Variants in TENM3 observed in about 807,000 individuals in gnomAD.
The protein encoded by TENM3 is teneurin transmembrane protein 3.
TENM3 carries 63 observed loss-of-function variants against 255.1 expected under a neutral mutation model. That is an observed-to-expected ratio of 0.25 (90% CI 0.20 to 0.30). TENM3 has a LOEUF of 0.30. Among genes scored for constraint, TENM3 ranks in the 10% least tolerant of loss-of-function variants. The pLI is 1.00. For synonymous variants in TENM3, 1,306 were observed against 1,322.3 expected, an observed-to-expected ratio of 0.99 and a Z score of 0.27; for missense variants, 2,929 against 3,461.1, an observed-to-expected ratio of 0.85 and a Z score of 3.86.
intron 2 of TENM3, among the ~76,000 whole-genome samples, chr4:182,339,597 T>G (rs1764353902): frequency 6.6e-6 from 1 of 152,190 alleles, no homozygotes; most frequent in East Asian, 1.9e-4. Flanking sequence ...CCTTTCCCCC[T>G]GCCTCGGCCT....
the TENM3 span, among the ~76,000 whole-genome samples, chr4:181,969,337 A>G: frequency 5.3e-5 from 8 of 152,204 alleles, no homozygotes; most frequent in Admixed American, 5.2e-4. Context: ...AGCCAGCTGG[A>G]AAATTCTGAT....
chr4:181,999,375 G>A, the TENM3 span, among the ~76,000 whole-genome samples: 2 of 152,094 alleles, frequency 1.3e-5, no homozygotes, highest in Non-Finnish European at 2.9e-5. Context: ...TTCTGAGACT[G>A]GCCTAAGGTA....
the TENM3 span, among the ~76,000 whole-genome samples, chr4:181,452,853 G>T: frequency 6.6e-6 from 1 of 152,190 alleles, no homozygotes; most frequent in East Asian, 1.9e-4. Context: ...TTGGTTTGGT[G>T]GCAGGATTTC....
chr4:182,641,987 A>G (rs1185803046), intron 5 of TENM3, among the ~76,000 whole-genome samples: 1 of 152,238 alleles, frequency 6.6e-6, no homozygotes, highest in Admixed American at 6.5e-5. Flanking sequence ...TTTCACAATA[A>G]CAACAAATTC....
At chr4:182,289,887 A>G (rs947326977) in intron 1 of TENM3, among the ~76,000 whole-genome samples, 5 of 152,048 alleles carry the variant, frequency 3.3e-5, no homozygotes, top group African/African-American at 1.2e-4. Flanking sequence ...GCTCCACCCT[A>G]GAGATGACGC....
At chr4:181,740,677 A>C in the TENM3 span, among the ~76,000 whole-genome samples, 2 of 149,934 alleles carry the variant, frequency 1.3e-5, no homozygotes, top group Non-Finnish European at 1.5e-5. Flanking sequence ...ATTCCAAAAA[A>C]TCAGCACTGG....
At chr4:182,241,684 A>G (rs1757272019), upstream of TENM3, among the ~76,000 whole-genome samples, 1 of 148,504 alleles carries the variant, frequency 6.7e-6, no homozygotes, top group East Asian at 2.0e-4. Flanking sequence ...TAATTTTTGT[A>G]TTTTTAGTAG....
the TENM3 span, among the ~76,000 whole-genome samples, chr4:181,937,116 G>C: frequency 6.6e-6 from 1 of 152,180 alleles, no homozygotes; most frequent in African/African-American, 2.4e-5. Context: ...GCAGGTATGG[G>C]AGCATTCTAA....
At chr4:182,449,488 T>C (rs576804054) in intron 3 of TENM3, among the ~76,000 whole-genome samples, 19 of 151,970 alleles carry the variant, frequency 1.3e-4, no homozygotes, top group Non-Finnish European at 2.6e-4. Context: ...ATGAGTAGTG[T>C]ACTGTCCTAA....
At chr4:182,079,128 G>A in the TENM3 span, among the ~76,000 whole-genome samples, 7 of 152,170 alleles carry the variant, frequency 4.6e-5, no homozygotes, top group African/African-American at 1.7e-4. Context: ...AATTGCTGGT[G>A]GACTTTGTGT....
At chr4:181,468,098 C>A in the TENM3 span, among the ~76,000 whole-genome samples, 1 of 144,868 alleles carries the variant, frequency 6.9e-6, no homozygotes, top group East Asian at 2.0e-4. Flanking sequence ...AAGTTCAAGA[C>A]CAGCCTGGGC....
chr4:182,576,572 A>T (rs1744941284), intron 3 of TENM3, among the ~76,000 whole-genome samples: 1 of 152,180 alleles, frequency 6.6e-6, no homozygotes, highest in South Asian at 2.1e-4. Flanking sequence ...ATACTTTGGA[A>T]ATTATATGGT....
At chr4:181,482,206 C>T in the TENM3 span, among the ~76,000 whole-genome samples, 1 of 152,090 alleles carries the variant, frequency 6.6e-6, no homozygotes, top group Non-Finnish European at 1.5e-5. Flanking sequence ...GTGATCAGAT[C>T]AAGGTAATTA....
chr4:182,200,703 TA>T lies in TENM3; in HGVS notation c.-76+55954del, dbSNP rs1754133748. On this transcript the variant is annotated intron_variant, in intron 1 of 2. Transcript: ENST00000512480. The stretch of plus-strand genomic sequence containing the variant: ...TATAGACAGACTGATAGAGAACAAT[TA>T]AAAATGCAAACTGTTCCTTTCAGTA... Among the ~76,000 whole-genome samples the T allele has an allele frequency of 4.6e-5, 7 of 152,116 alleles. No homozygotes were observed. The South Asian group carries it at 1.5e-3, about 32-fold the overall frequency.
At chr4:182,210,047 A>G (rs1245254436) in intron 1 of TENM3, among the ~76,000 whole-genome samples, 1 of 152,116 alleles carries the variant, frequency 6.6e-6, no homozygotes, top group Non-Finnish European at 1.5e-5. Flanking sequence ...ATCCTCCGCC[A>G]TGAATCCTGT....
At chr4:182,386,372 A>G (rs1767915666) in intron 3 of TENM3, among the ~76,000 whole-genome samples, 1 of 152,240 alleles carries the variant, frequency 6.6e-6, no homozygotes, top group Admixed American at 6.5e-5. Flanking sequence ...AATGATATAT[A>G]AAATAGTGAG....
At chr4:182,622,684 G>A (rs1350341018) in intron 4 of TENM3, among the ~76,000 whole-genome samples, 1 of 152,124 alleles carries the variant, frequency 6.6e-6, no homozygotes, top group Non-Finnish European at 1.5e-5. Flanking sequence ...TATATTATAT[G>A]ATTTCATTCC....
rs145700449 is a variant in TENM3 at position 182,477,978 on chromosome 4, T to C, written c.512-122946T>C. Among the ~76,000 whole-genome samples, 94 of 152,296 alleles carry C rather than the reference T, an allele frequency of 6.2e-4. 1 individual carries two copies. The East Asian group carries it at 0.01, about 17-fold the overall frequency. On this transcript the variant is annotated intron_variant, in intron 3 of 27. Transcript: ENST00000511685. ...CAAATGTTAATTTAGTTATAGATTA[T>C]ATATACTTTTATATCATACCAATTG...
chr4:181,734,756 C>A, the TENM3 span, among the ~76,000 whole-genome samples: 1 of 152,126 alleles, frequency 6.6e-6, no homozygotes, highest in African/African-American at 2.4e-5. Context: ...GAGATACAAG[C>A]CTTAGCTGTA....
Sources: allele counts gnomAD v4.1 joint callset (sites outside exome capture counted in the v4.1 genomes callset), GRCh38; gene constraint gnomAD v4.1.1; transcripts MANE v1.5; gene names NCBI Gene and HGNC (gene_info 2026-07-23, HGNC 2026-07-21).